DAW1: variants seen among roughly 807,000 people sequenced by gnomAD.
The protein encoded by DAW1 is dynein assembly factor with WD repeats 1, also known as dynein assembly factor with WD repeat domains 1.
Under a neutral mutation model 56.5 loss-of-function variants are expected in DAW1, and 47 were observed. The ratio of observed to expected loss-of-function variants is 0.83; its 90% CI spans 0.66 to 1.06. The LOEUF is 1.06. DAW1 is among the 50% of genes least tolerant of loss of function. The pLI, the probability that DAW1 is intolerant of heterozygous loss-of-function variation, is 0.00. For missense variants in DAW1, 505 were observed against 499.3 expected (o/e 1.01, Z -0.11); for synonymous variants, 190 against 179.0 (o/e 1.06, Z -0.49).
chr2:227,920,194 C>T (rs933811552), intron 11 of DAW1, among the ~76,000 whole-genome samples: 3 of 152,214 alleles, frequency 2.0e-5, no homozygotes, highest in African/African-American at 7.2e-5. Context: ...TATTTTATTA[C>T]ATTTTATGCT....
In DAW1 at chr2:227,907,380, A is replaced by G. The variant is rs929933317; in HGVS notation, c.973+128A>G. 2.6e-5 allele frequency: 18 copies of G among 690,312 alleles called. No homozygotes were observed. In the East Asian group the frequency reaches 3.0e-4, roughly 12 times the overall value. 42.8% of individuals were successfully genotyped at this position (690,312 alleles called of 1,614,324 possible). On this transcript the variant is annotated intron_variant, in intron 10 of 12. Coordinates refer to ENST00000309931, the MANE Select transcript of DAW1 (RefSeq NM_178821.3). ...TGATAAAAAACCATGTCTCATCTCT[A>G]TCGTGACCATGTATGGCACAATAGT...
At chr2:227,901,809 T>C (rs538863369) in intron 6 of DAW1, among the ~76,000 whole-genome samples, 1 of 151,912 alleles carries the variant, frequency 6.6e-6, no homozygotes, top group East Asian at 1.9e-4. Context: ...CTAAGAGGGG[T>C]ACATAAGATC....
Position 227,885,424 on chromosome 2 carries a change from G to A in DAW1, c.113+1G>A, listed in dbSNP as rs1256831812. ...TAGATTTGCTTGATCTTGGTCCCAG[G>A]TAAGTAAGCTGTAGGATTCAACAAA... On this transcript the variant is annotated splice_donor_variant, in intron 2 of 12. Transcript: ENST00000309931. LOFTEE classifies it high-confidence loss of function. 12 of 1,599,058 alleles carry A rather than the reference G, an allele frequency of 7.5e-6. No homozygotes were observed. Among genetic ancestry groups the A allele is most frequent in the Non-Finnish European group, 9.4e-6 (11 of 1,174,574 alleles).
intron 6 of DAW1, among the ~76,000 whole-genome samples, chr2:227,899,382 A>G (rs966222506): frequency 1.3e-5 from 2 of 152,230 alleles, no homozygotes; most frequent in Admixed American, 1.3e-4. Flanking sequence ...ATACCAAAAG[A>G]GAATCCACAA....
At chr2:227,915,045 T>C (rs1388095270) in intron 10 of DAW1, among the ~76,000 whole-genome samples, 5 of 152,072 alleles carry the variant, frequency 3.3e-5, no homozygotes, top group Non-Finnish European at 7.4e-5. Flanking sequence ...CTGATGACAG[T>C]GATGCTACAT....
At chr2:227,876,578 A>G (rs1574645887) in intron 1 of DAW1, 2 of 1,157,818 alleles carry the variant, frequency 1.7e-6, no homozygotes, top group East Asian at 1.2e-4. Context: ...CCTTCTGCAT[A>G]TAGAGCAGTT....
intron 1 of DAW1, among the ~76,000 whole-genome samples, chr2:227,880,307 G>A (rs764742835): frequency 2.0e-5 from 3 of 150,438 alleles, no homozygotes; most frequent in Non-Finnish European, 4.4e-5. Flanking sequence ...GTGGCATACA[G>A]CTAGGTTTAA....
Position 227,918,142 on chromosome 2 carries a change from G to GTCCGTCCATCCATCCA in DAW1, c.974-635_974-634insGTCCATCCATCCATCC, listed in dbSNP as rs1553604189. On this transcript the variant is annotated intron_variant, in intron 10 of 12. Transcript: ENST00000309931. Reference sequence around the variant, plus strand: ...CATTTCTCCATCCATCCATCCATCCGTCCATCCATCCATCCATCCATCCAT... The same window carrying GTCCGTCCATCCATCCA: ...CATTTCTCCATCCATCCATCCATCCGTCCGTCCATCCATCCATCCATCCATCCATCCATCCATCCAT... 4.3e-4 allele frequency among the ~76,000 whole-genome samples: 35 copies of GTCCGTCCATCCATCCA among 82,032 alleles called. 1 individual carries two copies. Among genetic ancestry groups the GTCCGTCCATCCATCCA allele is most frequent in the Non-Finnish European group, 2.5e-4 (9 of 35,682 alleles). The allele number at this position is 82,032 out of a possible 152,430, so 53.8% of individuals were successfully genotyped here.
chr2:227,885,975 C>CTTTTTT (rs10655811), intron 2 of DAW1, among the ~76,000 whole-genome samples: 1 of 131,994 alleles, frequency 7.6e-6, no homozygotes. Flanking sequence ...TTTTTCTTTC[C>CTTTTTT]TTTTTTTTTT....
At chr2:227,898,667 A>G (rs578038860) in intron 6 of DAW1, among the ~76,000 whole-genome samples, 6 of 152,206 alleles carry the variant, frequency 3.9e-5, no homozygotes, top group Non-Finnish European at 8.8e-5. Flanking sequence ...TTCTATTATA[A>G]AAGTAGTGGG....
chr2:227,872,297 A>AAAAAAAAAAAAG (rs1553600898), intron 1 of DAW1: 1 of 131,466 alleles, frequency 7.6e-6, no homozygotes, highest in African/African-American at 2.8e-5. Context: ...AAAAAAGAAA[A>AAAAAAAAAAAAG]AAAAGAAAAA....
intron 5 of DAW1, among the ~76,000 whole-genome samples, chr2:227,896,914 C>T (rs552449229): frequency 8.0e-4 from 122 of 151,584 alleles, no homozygotes; most frequent in African/African-American, 2.9e-3. Flanking sequence ...GAGACCTCAT[C>T]TCTACAAAAA....
intron 12 of DAW1, 133 bp downstream of exon 12, chr2:227,921,694 C>G: frequency 1.1e-6 from 1 of 908,540 alleles, no homozygotes; most frequent in Non-Finnish European, 1.6e-6. Context: ...TTGGCCTGCC[C>G]TCATATTTTC....
At chr2:227,912,515 A>G in intron 10 of DAW1, 2 of 1,290,492 alleles carry the variant, frequency 1.5e-6, no homozygotes. Flanking sequence ...ATCATATATA[A>G]TGCTGCACTG....
At chr2:227,908,863 A>G (rs538076475) in intron 10 of DAW1, among the ~76,000 whole-genome samples, 32 of 152,312 alleles carry the variant, frequency 2.1e-4, no homozygotes, top group Middle Eastern at 3.4e-3. Context: ...AATTTGAAGT[A>G]TGAACTATGT....
intron 6 of DAW1, among the ~76,000 whole-genome samples, chr2:227,901,617 C>G (rs1350450420): frequency 1.3e-5 from 2 of 152,044 alleles, no homozygotes; most frequent in Admixed American, 6.5e-5. Context: ...GGGAGGGAAA[C>G]TAGAGAACAA....
chr2:227,871,830 G>A (rs1690757329), intron 1 of DAW1, 101 bp downstream of exon 1: 1 of 1,517,022 alleles, frequency 6.6e-7, no homozygotes, highest in South Asian at 1.2e-5. Flanking sequence ...AAGGCGGCGG[G>A]GTCCCCAGGT....
At chr2:227,922,129 G>A (rs557421432) in intron 12 of DAW1, among the ~76,000 whole-genome samples, 1 of 152,314 alleles carries the variant, frequency 6.6e-6, no homozygotes, top group South Asian at 2.1e-4. Context: ...CTCCAGTCTG[G>A]GTGACAGAGT....
chr2:227,898,165 T>C lies in DAW1; in HGVS notation c.441-17T>C. 1 of 1,515,200 alleles carries C rather than the reference T, an allele frequency of 6.6e-7. No homozygotes were observed. The highest frequency in any genetic ancestry group is 8.9e-7 in the Non-Finnish European group (1 of 1,119,352). 93.9% of individuals were successfully genotyped at this position (1,515,200 alleles called of 1,614,324 possible). A position where few individuals can be genotyped will look rare whatever the true frequency, so the allele number is the denominator to read the frequency against. On this transcript the variant is annotated splice_polypyrimidine_tract_variant and intron_variant, in intron 5 of 12. Transcript: ENST00000309931. The stretch of plus-strand genomic sequence containing the variant: ...TGTGTCTTTTTTTAAATAATCTACA[T>C]TTCTTTTAAATCTTAGTGACAAAAT...
Sources: allele counts gnomAD v4.1 joint callset (sites outside exome capture counted in the v4.1 genomes callset), GRCh38; gene constraint gnomAD v4.1.1; transcripts MANE v1.5; gene names NCBI Gene and HGNC (gene_info 2026-07-23, HGNC 2026-07-21).